The following VPS13B variants were observed in gnomAD, a reference collection of about 807,000 sequenced individuals.
VPS13B encodes the protein vacuolar protein sorting 13 homolog B, also known as intermembrane lipid transfer protein VPS13B.
A neutral mutation model predicts 426.4 loss-of-function variants in VPS13B; 285 were observed. That is an observed-to-expected ratio of 0.67 (90% CI 0.61 to 0.74). The LOEUF is 0.74. Among genes scored for constraint, VPS13B ranks in the 30% least tolerant of loss-of-function variants. VPS13B has a pLI of 0.00. For synonymous variants in VPS13B, 1,676 were observed against 1,676.4 expected (o/e 1.00, Z 0.01); for missense variants, 4,537 against 4,782.6 (o/e 0.95, Z 1.51).
chr8:99,326,041 T>G (rs1810239886), intron 19 of VPS13B, among the ~76,000 whole-genome samples: 1 of 152,204 alleles, frequency 6.6e-6, no homozygotes, highest in Admixed American at 6.6e-5. Flanking sequence ...GTAACCAGTT[T>G]ATTGAAAACA....
At chr8:99,263,033 C>G (rs758088507) in intron 17 of VPS13B, among the ~76,000 whole-genome samples, 4 of 152,200 alleles carry the variant, frequency 2.6e-5, no homozygotes, top group Non-Finnish European at 4.4e-5. Context: ...CCTTGGCCCC[C>G]CAAAGTGCTG....
At chr8:99,489,729 C>G (rs1820500615) in intron 25 of VPS13B, among the ~76,000 whole-genome samples, 1 of 152,146 alleles carries the variant, frequency 6.6e-6, no homozygotes. Context: ...GATAAGAATG[C>G]TTGTGATTTT....
intron 17 of VPS13B, among the ~76,000 whole-genome samples, chr8:99,258,306 G>A (rs1817862363): frequency 6.7e-6 from 1 of 149,774 alleles, no homozygotes; most frequent in Non-Finnish European, 1.5e-5. Flanking sequence ...TCATATTTAT[G>A]CCTTTTTTTT....
intron 7 of VPS13B, among the ~76,000 whole-genome samples, chr8:99,117,052 G>A (rs113503615): frequency 2.1e-5 from 1 of 47,112 alleles, no homozygotes; most frequent in Non-Finnish European, 5.0e-5. Flanking sequence ...AAAGATGAAA[G>A]GATGACTGAT....
intron 33 of VPS13B, among the ~76,000 whole-genome samples, chr8:99,629,885 C>A (rs187598593): frequency 1.3e-5 from 2 of 152,300 alleles, no homozygotes; most frequent in African/African-American, 4.8e-5. Context: ...TACCTGCAGT[C>A]TCTAGTCACC....
chr8:99,055,009 A>G (rs1186817128), intron 3 of VPS13B, among the ~76,000 whole-genome samples: 2 of 150,162 alleles, frequency 1.3e-5, no homozygotes, highest in Admixed American at 1.3e-4. Flanking sequence ...TTTGAAATAA[A>G]TAAGCTTCCT....
In VPS13B at chr8:99,360,969, G is replaced by A. The variant is rs377673811; in HGVS notation, c.2825-23239G>A. The stretch of plus-strand genomic sequence containing the variant: ...TGAGAGAAATCATCACTCTCAATCC[G>A]TTCTTTTCTGTTCTCTTTTACCAGG... On this transcript the variant is annotated intron_variant, in intron 19 of 61. Transcript: ENST00000357162. Among the ~76,000 whole-genome samples the A allele has an allele frequency of 7.2e-5, 11 of 152,192 alleles. No individual in the cohort carries two copies. The East Asian group carries it at 1.4e-3, about 19-fold the overall frequency.
intron 17 of VPS13B, among the ~76,000 whole-genome samples, chr8:99,202,065 A>G (rs1044094902): frequency 2.6e-5 from 4 of 152,192 alleles, no homozygotes; most frequent in Non-Finnish European, 1.5e-5. Flanking sequence ...CCATCTAAAG[A>G]TATTACCTAT....
At chr8:99,478,205 C>T (rs1004399392) in intron 24 of VPS13B, among the ~76,000 whole-genome samples, 1 of 151,096 alleles carries the variant, frequency 6.6e-6, no homozygotes, top group Non-Finnish European at 1.5e-5. Context: ...TTCACAGGAA[C>T]ATAACACTTT....
intron 21 of VPS13B, among the ~76,000 whole-genome samples, chr8:99,395,469 A>G (rs1814681991): frequency 1.3e-5 from 2 of 152,174 alleles, no homozygotes; most frequent in Admixed American, 1.3e-4. Context: ...GTTATTTAGG[A>G]CATTCAGTGG....
At chr8:99,327,788 A>G (rs915620280) in intron 19 of VPS13B, among the ~76,000 whole-genome samples, 1 of 152,152 alleles carries the variant, frequency 6.6e-6, no homozygotes, top group East Asian at 1.9e-4. Context: ...TATGATTTCT[A>G]TCTGTATCTC....
At position 99,871,652 on chromosome 8, in the gene VPS13B, A is replaced by C. The variant is rs949246891; in HGVS notation, c.11700A>C (p.Leu3900Phe). The change falls in exon 61 of 62, where the codon TTA (leucine) becomes TTC (phenylalanine). Residue 3900 changes from leucine (L) to phenylalanine (F), a missense_variant. This residue lies in a region of VPS13B where 4,311 missense variants were observed against 4,474.3 expected (regional missense o/e 0.96). Transcript: ENST00000357162. ...DCAQDSKQNN[L>F]LTVQLKQPRV... is the part of the protein sequence containing the mutation. ...CACAGGACAGCAAGCAGAACAACTT[A>C]CTCACAGTGCAGCTCAAGCAGCCAA... 6.2e-7 allele frequency: 1 copy of C among 1,613,952 alleles called. No individual in the cohort carries two copies. The highest frequency in any genetic ancestry group is 1.3e-5 in the African/African-American group (1 of 74,924).
chr8:99,751,981 CT>C (rs1810419186), intron 39 of VPS13B, among the ~76,000 whole-genome samples: 1 of 152,132 alleles, frequency 6.6e-6, no homozygotes, highest in Non-Finnish European at 1.5e-5. Context: ...GACAGTAAGC[CT>C]GCCTGCCCTT....
At chr8:99,486,152 T>C (rs980578579) in intron 25 of VPS13B, among the ~76,000 whole-genome samples, 2 of 152,178 alleles carry the variant, frequency 1.3e-5, no homozygotes, top group East Asian at 3.9e-4. Flanking sequence ...TTTAGGTTTC[T>C]TTATCAACAA....
At chr8:99,181,090 A>G (rs1163795219) in intron 16 of VPS13B, among the ~76,000 whole-genome samples, 3 of 152,196 alleles carry the variant, frequency 2.0e-5, no homozygotes, top group Non-Finnish European at 4.4e-5. Flanking sequence ...AATTAAGCGA[A>G]TGACCAATAA....
chr8:99,516,692 G>T (rs1338453020), intron 29 of VPS13B, among the ~76,000 whole-genome samples: 6 of 149,418 alleles, frequency 4.0e-5, no homozygotes, highest in African/African-American at 1.5e-4. Context: ...GGAGGCTGAG[G>T]TGGGAGAATT....
At chr8:99,615,057 C>T (rs187476773) in intron 33 of VPS13B, among the ~76,000 whole-genome samples, 128 of 138,356 alleles carry the variant, frequency 9.3e-4, no homozygotes, top group Middle Eastern at 4.3e-3. Flanking sequence ...GCGGAGGCTG[C>T]GGTGAGCCGA....
At chr8:99,500,257 T>C (rs1259112363) in intron 25 of VPS13B, among the ~76,000 whole-genome samples, 4 of 152,130 alleles carry the variant, frequency 2.6e-5, no homozygotes, top group African/African-American at 9.7e-5. Context: ...ATATTTTTGT[T>C]TGAGACATTC....
intron 24 of VPS13B, 48 bp from the exon 25 acceptor site, chr8:99,481,551 C>A: frequency 6.3e-7 from 1 of 1,576,842 alleles, no homozygotes; most frequent in Non-Finnish European, 8.7e-7. Flanking sequence ...TGGATTGAAA[C>A]TGGAAGTTGA....
Sources: gnomAD v4.1 joint callset for allele counts (sites outside exome capture counted in the v4.1 genomes callset) on GRCh38, gnomAD v4.1.1 for gene constraint, gnomAD v4.1.1 regional missense constraint, MANE v1.5 for transcripts, NCBI Gene and HGNC (gene_info 2026-07-23, HGNC 2026-07-21) for gene names.